The following SCFD2 variants were observed in gnomAD, a reference collection of about 807,000 sequenced individuals.
The protein encoded by SCFD2 is sec1 family domain containing 2.
Under a neutral mutation model 58.9 loss-of-function variants are expected in SCFD2, and 54 were observed. That is an observed-to-expected ratio of 0.92 (90% CI 0.74 to 1.15). The LOEUF is 1.15. Among genes scored for constraint, SCFD2 ranks in the 50% most tolerant of loss-of-function variants. The pLI is 0.00. For missense variants in SCFD2, 805 were observed against 836.6 expected, an observed-to-expected ratio of 0.96 and a Z score of 0.47; for synonymous variants, 321 against 335.9, an observed-to-expected ratio of 0.96 and a Z score of 0.49.
At chr4:53,031,133 C>CA (rs1371709790) in intron 5 of SCFD2, among the ~76,000 whole-genome samples, 4 of 152,098 alleles carry the variant, frequency 2.6e-5, no homozygotes, top group Admixed American at 2.6e-4. Context: ...GATACCCAGG[C>CA]AAACAGGGTC....
chr4:52,896,722 A>T (rs1362263312), intron 7 of SCFD2, among the ~76,000 whole-genome samples: 2 of 152,082 alleles, frequency 1.3e-5, no homozygotes, highest in Non-Finnish European at 2.9e-5. Flanking sequence ...CTTGATGGGG[A>T]TGACATTGAA....
intron 2 of SCFD2, among the ~76,000 whole-genome samples, chr4:53,334,151 T>C (rs1733597103): frequency 6.6e-6 from 1 of 151,366 alleles, no homozygotes; most frequent in Admixed American, 6.6e-5. Flanking sequence ...ACACTGTTGG[T>C]GGGACTGTAA....
At chr4:52,928,826 A>C (rs1334526878) in intron 5 of SCFD2, among the ~76,000 whole-genome samples, 3 of 152,210 alleles carry the variant, frequency 2.0e-5, no homozygotes, top group Admixed American at 6.5e-5. Flanking sequence ...TGCTTAGCTC[A>C]CAGAAGACAC....
At chr4:53,055,502 C>CA (rs1181405918) in intron 5 of SCFD2, among the ~76,000 whole-genome samples, 3 of 152,112 alleles carry the variant, frequency 2.0e-5, no homozygotes, top group African/African-American at 7.2e-5. Flanking sequence ...AGGCCCATTA[C>CA]AAAACCACAT....
intron 2 of SCFD2, among the ~76,000 whole-genome samples, chr4:53,346,074 G>A (rs577220923): frequency 1.1e-4 from 16 of 152,076 alleles, no homozygotes; most frequent in South Asian, 8.3e-4. Flanking sequence ...CGTTGTGCAC[G>A]TGTACCCTAG....
chr4:53,073,825 T>C (rs1723894224), intron 5 of SCFD2, among the ~76,000 whole-genome samples: 1 of 152,162 alleles, frequency 6.6e-6, no homozygotes, highest in Non-Finnish European at 1.5e-5. Context: ...GTACATACCT[T>C]AATTAAAAAT....
At chr4:53,360,434 A>T (rs1296716123) in intron 1 of SCFD2, among the ~76,000 whole-genome samples, 9 of 152,220 alleles carry the variant, frequency 5.9e-5, no homozygotes, top group Non-Finnish European at 1.3e-4. Flanking sequence ...GATGTAGATC[A>T]TGGACACTTC....
Position 53,365,943 on chromosome 4 carries a change from GTTGGGGA to G in SCFD2, c.-9_-3del. On this transcript the variant is annotated 5_prime_UTR_variant, in exon 1 of 9. Coordinates refer to ENST00000401642, the MANE Select transcript of SCFD2 (RefSeq NM_152540.4). This position sits in a 1 kb window ranked among gnomAD's most constrained non-coding sequence, Gnocchi z 4.3. ...GGACAGTACGCCCGAGGCGCTCATGGTTGGGGATTCGCAGACTTGGGAAACTACGGTG... is the reference window on the plus strand; with the variant it reads ...GGACAGTACGCCCGAGGCGCTCATGGTTCGCAGACTTGGGAAACTACGGTG... The G allele has an allele frequency of 6.6e-7, 1 of 1,519,670 alleles. No individual in the cohort carries two copies. Among genetic ancestry groups the G allele is most frequent in the Non-Finnish European group, 8.8e-7 (1 of 1,139,706 alleles). 94.1% of individuals were successfully genotyped at this position (1,519,670 alleles called of 1,614,324 possible).
intron 5 of SCFD2, among the ~76,000 whole-genome samples, chr4:53,019,822 G>A (rs1344231998): frequency 2.0e-5 from 3 of 152,132 alleles, no homozygotes; most frequent in Non-Finnish European, 2.9e-5. Context: ...GTAGGTCTTA[G>A]GTGATTACTC....
At chr4:53,050,016 A>G (rs1259221625) in intron 5 of SCFD2, among the ~76,000 whole-genome samples, 1 of 152,188 alleles carries the variant, frequency 6.6e-6, no homozygotes, top group Non-Finnish European at 1.5e-5. Context: ...ACAGGAAAAA[A>G]TAAAACACAA....
At chr4:53,064,877 G>A (rs1260438421) in intron 5 of SCFD2, among the ~76,000 whole-genome samples, 1 of 152,062 alleles carries the variant, frequency 6.6e-6, no homozygotes, top group East Asian at 1.9e-4. Flanking sequence ...TACATGTAAA[G>A]TACCTAGCTC....
chr4:53,066,228 C>T (rs1055863967), intron 5 of SCFD2, among the ~76,000 whole-genome samples: 3 of 152,064 alleles, frequency 2.0e-5, no homozygotes, highest in African/African-American at 7.2e-5. Context: ...AACTTGTGGG[C>T]AAGGCTCAAT....
At chr4:52,921,129 C>T (rs983452755) in intron 5 of SCFD2, among the ~76,000 whole-genome samples, 2 of 152,178 alleles carry the variant, frequency 1.3e-5, no homozygotes, top group Non-Finnish European at 2.9e-5. Context: ...CAGCCACTGG[C>T]TTCCATCCCT....
intron 2 of SCFD2, among the ~76,000 whole-genome samples, chr4:53,330,111 ACG>A (rs1733384452): frequency 6.6e-6 from 1 of 152,188 alleles, no homozygotes. Context: ...GACCAAATCT[ACG>A]TCTGATTGCT....
At chr4:53,251,379 T>G (rs1342110666) in intron 4 of SCFD2, among the ~76,000 whole-genome samples, 5 of 152,124 alleles carry the variant, frequency 3.3e-5, no homozygotes, top group African/African-American at 1.2e-4. Context: ...CCTAACTCAT[T>G]TTATGAGGCC....
At chr4:53,183,256 T>C (rs1241950090) in intron 4 of SCFD2, among the ~76,000 whole-genome samples, 1 of 152,180 alleles carries the variant, frequency 6.6e-6, no homozygotes, top group Non-Finnish European at 1.5e-5. Flanking sequence ...CCAACCTAAA[T>C]GTCCAACAAC....
intron 5 of SCFD2, among the ~76,000 whole-genome samples, chr4:52,958,281 T>C (rs904987789): frequency 2.0e-5 from 3 of 152,248 alleles, no homozygotes; most frequent in African/African-American, 7.2e-5. Flanking sequence ...TATTAAAATC[T>C]GACTGAGTTG....
chr4:53,120,853 T>A (rs1322804471), intron 5 of SCFD2, among the ~76,000 whole-genome samples: 1 of 152,028 alleles, frequency 6.6e-6, no homozygotes. Context: ...TGAAAAAAAA[T>A]TGCTAGCTGT....
chr4:53,198,238 A>G (rs1728119416), intron 4 of SCFD2, among the ~76,000 whole-genome samples: 1 of 152,104 alleles, frequency 6.6e-6, no homozygotes, highest in African/African-American at 2.4e-5. Context: ...TTTGACTTTA[A>G]AAGAATCAAA....
Sources: gnomAD v4.1 joint callset for allele counts (sites outside exome capture counted in the v4.1 genomes callset) on GRCh38, gnomAD v4.1.1 for gene constraint, Gnocchi (gnomAD v3.1) non-coding constraint, MANE v1.5 for transcripts, NCBI Gene and HGNC (gene_info 2026-07-23, HGNC 2026-07-21) for gene names.